The following ADAMTS3 variants were observed in gnomAD, a reference collection of about 807,000 sequenced individuals.
The protein encoded by ADAMTS3 is A disintegrin and metalloproteinase with thrombospondin motifs 3.
A neutral mutation model predicts 129.0 loss-of-function variants in ADAMTS3; 73 were observed. The observed-to-expected ratio is 0.57, with a 90% confidence interval of 0.47 to 0.69. ADAMTS3 has a LOEUF of 0.69. Ranked by LOEUF, ADAMTS3 falls within the 30% of genes least tolerant of loss-of-function variation. The probability of loss-of-function intolerance (pLI) is 0.00; values close to 1 mark genes in which losing one functional copy is unlikely to be tolerated. For missense variants in ADAMTS3, 1,457 were observed against 1,514.5 expected (o/e 0.96, Z 0.63); for synonymous variants, 477 against 510.8 (o/e 0.93, Z 0.89).
At chr4:72,530,608 A>C (rs1228474654) in intron 3 of ADAMTS3, among the ~76,000 whole-genome samples, 2 of 87,966 alleles carry the variant, frequency 2.3e-5, no homozygotes, top group African/African-American at 9.3e-5. Flanking sequence ...ATTAAAATAT[A>C]TATTATATAA....
intron 3 of ADAMTS3, among the ~76,000 whole-genome samples, chr4:72,496,182 C>T (rs1719869102): frequency 6.6e-6 from 1 of 152,122 alleles, no homozygotes; most frequent in Non-Finnish European, 1.5e-5. Context: ...ACAGAGTTGG[C>T]AAAATAAGCA....
intron 3 of ADAMTS3, among the ~76,000 whole-genome samples, chr4:72,540,831 A>G (rs1160400436): frequency 1.3e-5 from 2 of 152,216 alleles, no homozygotes; most frequent in East Asian, 1.9e-4. Context: ...ACCTCCAAAT[A>G]GATTTCAGAG....
At chr4:72,428,131 G>C (rs1222453526) in intron 3 of ADAMTS3, among the ~76,000 whole-genome samples, 1 of 151,974 alleles carries the variant, frequency 6.6e-6, no homozygotes, top group Non-Finnish European at 1.5e-5. Context: ...AAGAAGTGAG[G>C]AAGAGGAAGA....
Position 72,482,790 on chromosome 4 carries a change from C to G in ADAMTS3, c.504+65688G>C, listed in dbSNP as rs1482925181. ...AAAGCCTGAGATTCTGTATTTCTAACAAGTCTTCAGATAATACAGATTCCA... is the reference window on the plus strand; with the variant it reads ...AAAGCCTGAGATTCTGTATTTCTAAGAAGTCTTCAGATAATACAGATTCCA... On this transcript the variant is annotated intron_variant, in intron 3 of 21. Coordinates refer to ENST00000286657, the MANE Select transcript of ADAMTS3 (RefSeq NM_014243.3). 2.6e-5 allele frequency among the ~76,000 whole-genome samples: 4 copies of G among 151,962 alleles called. No homozygotes were observed. In the East Asian group the frequency reaches 7.7e-4, roughly 29 times the overall value.
intron 3 of ADAMTS3, among the ~76,000 whole-genome samples, chr4:72,487,068 A>G (rs1181656813): frequency 6.6e-6 from 1 of 152,152 alleles, no homozygotes; most frequent in Non-Finnish European, 1.5e-5. Flanking sequence ...AGAGGTTAAA[A>G]TATTCCCAAA....
At chr4:72,298,216 GA>G in intron 18 of ADAMTS3, 60 bp downstream of exon 18, 1 of 1,420,504 alleles carries the variant, frequency 7.0e-7, no homozygotes, top group South Asian at 1.4e-5. Context: ...AATAAAGGTA[GA>G]AGCAAGATTG....
chr4:72,403,736 A>T (rs984486433), intron 4 of ADAMTS3, among the ~76,000 whole-genome samples: 7 of 152,072 alleles, frequency 4.6e-5, no homozygotes, highest in African/African-American at 7.2e-5. Flanking sequence ...AAAATTTTTT[A>T]AAATAAAAAG....
intron 5 of ADAMTS3, among the ~76,000 whole-genome samples, chr4:72,328,299 G>A (rs1169830126): frequency 6.6e-6 from 1 of 152,208 alleles, no homozygotes; most frequent in East Asian, 1.9e-4. Context: ...ATCAAATCAA[G>A]TATTCCTTTC....
chr4:72,458,519 T>C (rs1340811162), intron 3 of ADAMTS3, among the ~76,000 whole-genome samples: 1 of 151,654 alleles, frequency 6.6e-6, no homozygotes, highest in East Asian at 2.0e-4. Flanking sequence ...TAAATGCAGA[T>C]GACAAGGTTT....
chr4:72,564,293 G>A (rs867788360), intron 2 of ADAMTS3, among the ~76,000 whole-genome samples: 1 of 152,138 alleles, frequency 6.6e-6, no homozygotes, highest in Non-Finnish European at 1.5e-5. Context: ...ATTTTCCAGT[G>A]TCTACAGAAC....
chr4:72,433,212 AT>A (rs1263561478), intron 3 of ADAMTS3, among the ~76,000 whole-genome samples: 1 of 152,026 alleles, frequency 6.6e-6, no homozygotes, highest in African/African-American at 2.4e-5. Flanking sequence ...AAGATGCTAA[AT>A]AAAGCATCTC....
intron 3 of ADAMTS3, among the ~76,000 whole-genome samples, chr4:72,510,691 G>A (rs1720288732): frequency 6.6e-6 from 1 of 151,798 alleles, no homozygotes; most frequent in African/African-American, 2.4e-5. Context: ...ACTACCCAAA[G>A]CAATCTATAG....
chr4:72,559,022 G>A (rs1013017373), intron 2 of ADAMTS3, among the ~76,000 whole-genome samples: 6 of 151,510 alleles, frequency 4.0e-5, no homozygotes, highest in Admixed American at 2.6e-4. Context: ...TGTAGGGGGA[G>A]GTGAACCAAT....
chr4:72,298,456 G>A lies in ADAMTS3; in HGVS notation c.2425-14C>T. ...TTGAGGTATAATCTAACATACACATGAAATCAATATGTAAATCACCTGAGG... is the reference window on the plus strand; with the variant it reads ...TTGAGGTATAATCTAACATACACATAAAATCAATATGTAAATCACCTGAGG... On this transcript the variant is annotated splice_polypyrimidine_tract_variant and intron_variant, in intron 17 of 21. Coordinates refer to ENST00000286657, the MANE Select transcript of ADAMTS3 (RefSeq NM_014243.3). 2 of 1,557,714 alleles carry A rather than the reference G, an allele frequency of 1.3e-6. No homozygotes were observed. The highest frequency in any genetic ancestry group is 1.7e-6 in the Non-Finnish European group (2 of 1,144,372).
chr4:72,314,995 T>C (rs982609059), intron 11 of ADAMTS3, among the ~76,000 whole-genome samples: 3 of 152,186 alleles, frequency 2.0e-5, no homozygotes, highest in Non-Finnish European at 2.9e-5. Flanking sequence ...CCCTTATGAG[T>C]AGCATAGCTT....
chr4:72,391,261 ACT>A (rs1310605737), intron 4 of ADAMTS3, among the ~76,000 whole-genome samples: 1 of 152,252 alleles, frequency 6.6e-6, no homozygotes. Flanking sequence ...CTTCTAAAAT[ACT>A]AAACATATTT....
chr4:72,529,315 G>C (rs913985475), intron 3 of ADAMTS3, among the ~76,000 whole-genome samples: 3 of 152,008 alleles, frequency 2.0e-5, no homozygotes, highest in African/African-American at 7.2e-5. Context: ...CATCATATGG[G>C]AACTGTTAGA....
chr4:72,384,199 T>C (rs144290744), intron 4 of ADAMTS3, among the ~76,000 whole-genome samples: 103 of 152,254 alleles, frequency 6.8e-4, no homozygotes, highest in Non-Finnish European at 7.9e-4. Flanking sequence ...ATGACATACA[T>C]ATAACTGGAA....
intron 3 of ADAMTS3, among the ~76,000 whole-genome samples, chr4:72,432,123 G>T (rs555428756): frequency 9.2e-5 from 14 of 152,016 alleles, no homozygotes; most frequent in African/African-American, 2.9e-4. Flanking sequence ...ATGCCTGCGT[G>T]TTCTTCTCTT....
Sources: gnomAD v4.1 joint callset for allele counts (sites outside exome capture counted in the v4.1 genomes callset) on GRCh38, gnomAD v4.1.1 for gene constraint, MANE v1.5 for transcripts, NCBI Gene and HGNC (gene_info 2026-07-23, HGNC 2026-07-21) for gene names.